The following FBXW7 variants were observed in gnomAD, a reference collection of about 807,000 sequenced individuals.
FBXW7 encodes F-box/WD repeat-containing protein 7.
Under a neutral mutation model 86.3 loss-of-function variants are expected in FBXW7, and 11 were observed. The observed-to-expected ratio is 0.13, with a 90% CI of 0.08 to 0.21. FBXW7 has a LOEUF of 0.21. Ranked by LOEUF, FBXW7 falls within the 10% of genes least tolerant of loss-of-function variation. FBXW7 has a pLI of 1.00. For synonymous variants in FBXW7, 313 were observed against 297.9 expected (o/e 1.05, Z -0.52); for missense variants, 488 against 847.4 (o/e 0.58, Z 5.27).
chr4:152,391,697 C>T (rs1160027038), intron 4 of FBXW7, among the ~76,000 whole-genome samples: 1 of 152,070 alleles, frequency 6.6e-6, no homozygotes, highest in Admixed American at 6.6e-5. Flanking sequence ...TTAATCACCA[C>T]GCCGAAACCC....
rs1310559830 is a variant in FBXW7 at position 152,346,339 on chromosome 4, A to G, written c.726+591T>C. ...ATTACTCTTAAATGCCTAACTTACA[A>G]GCAATGCAGTTTAGAAAACTAGACA... On this transcript the variant is annotated intron_variant, in intron 6 of 13. Transcript: ENST00000281708. 2.0e-5 allele frequency among the ~76,000 whole-genome samples: 3 copies of G among 152,220 alleles called. No homozygotes were observed. The East Asian group carries it at 5.8e-4, about 29-fold the overall frequency.
chr4:152,350,183 A>C, intron 4 of FBXW7, 59 bp from the exon 5 acceptor site: 1 of 937,796 alleles, frequency 1.1e-6, no homozygotes, highest in Non-Finnish European at 1.6e-6. Context: ...TCAAATCTTG[A>C]GTCAGCATGG....
chr4:152,437,201 GGAA>G (rs1244003457), intron 2 of FBXW7, among the ~76,000 whole-genome samples: 1 of 152,156 alleles, frequency 6.6e-6, no homozygotes, highest in Non-Finnish European at 1.5e-5. Flanking sequence ...ACAGGAGTTT[GGAA>G]GAAGTTGATT....
intron 2 of FBXW7, chr4:152,530,131 A>G (rs1335709172): frequency 1.3e-5 from 2 of 151,556 alleles, no homozygotes; most frequent in African/African-American, 2.4e-5. Context: ...ACATATATAT[A>G]TATACGTATA....
intron 2 of FBXW7, among the ~76,000 whole-genome samples, chr4:152,422,202 G>GA (rs1429701988): frequency 6.6e-6 from 1 of 152,102 alleles, no homozygotes; most frequent in Non-Finnish European, 1.5e-5. Context: ...AAGAAATTCA[G>GA]AAAAACTCAG....
At chr4:152,501,730 T>A (rs999506545) in intron 2 of FBXW7, among the ~76,000 whole-genome samples, 2 of 152,124 alleles carry the variant, frequency 1.3e-5, no homozygotes, top group Non-Finnish European at 2.9e-5. Flanking sequence ...TGAACATTCT[T>A]TTTTTTATTT....
intron 2 of FBXW7, among the ~76,000 whole-genome samples, chr4:152,523,623 T>TA (rs1398604519): frequency 2.6e-5 from 4 of 152,244 alleles, no homozygotes; most frequent in Middle Eastern, 3.4e-3. Flanking sequence ...GCCTTAAAAT[T>TA]AGGATCAAGC....
At position 152,326,018 on chromosome 4, in the gene FBXW7, G is replaced by A; in HGVS notation, c.1632C>T (p.Val544=). The part of the protein sequence containing the change: ...LHTLQGHTNR[V]YSLQFDGIHV... ...TAAGAGATCTTACCTGTAATGAATA[G>A]ACTCTATTAGTATGCCCCTGCAACG... Residue 544 remains valine, a synonymous_variant, in exon 12 of 14, where the codon GTC becomes GTT. Transcript: ENST00000281708. 1 of 1,612,486 alleles carries A rather than the reference G, an allele frequency of 6.2e-7. No individual in the cohort carries two copies. Among genetic ancestry groups the A allele is most frequent in the Non-Finnish European group, 8.5e-7 (1 of 1,178,850 alleles).
Position 152,322,812 on chromosome 4 carries a change from T to A in FBXW7, c.*69A>T, listed in dbSNP as rs1728661010. ...TTTTTTTCTTTTTCTTTTCTTTTTT[T>A]CTTTTTGCAGGGGGAAGGGCAGGGA... is the stretch of plus-strand genomic sequence containing the variant. On this transcript the variant is annotated 3_prime_UTR_variant, in exon 14 of 14. Transcript: ENST00000281708. 3.8e-6 allele frequency: 6 copies of A among 1,567,112 alleles called. No homozygotes were observed. Among genetic ancestry groups the A allele is most frequent in the Non-Finnish European group, 5.2e-6 (6 of 1,160,720 alleles).
At chr4:152,465,642 G>A (rs1743340484) in intron 2 of FBXW7, among the ~76,000 whole-genome samples, 1 of 152,024 alleles carries the variant, frequency 6.6e-6, no homozygotes, top group African/African-American at 2.4e-5. Context: ...TCAGGAGTTA[G>A]AGACCAGCCT....
chr4:152,363,191 C>T (rs1205240450), intron 4 of FBXW7, among the ~76,000 whole-genome samples: 1 of 152,082 alleles, frequency 6.6e-6, no homozygotes, highest in African/African-American at 2.4e-5. Flanking sequence ...CAAATGAATC[C>T]TGAGTCATAT....
intron 2 of FBXW7, among the ~76,000 whole-genome samples, chr4:152,419,219 G>A (rs1311281706): frequency 6.6e-6 from 1 of 152,000 alleles, no homozygotes; most frequent in Non-Finnish European, 1.5e-5. Context: ...AATTAAATCT[G>A]CTGAGCCTAA....
intron 2 of FBXW7, among the ~76,000 whole-genome samples, chr4:152,431,259 T>C (rs1320776519): frequency 6.6e-6 from 1 of 152,162 alleles, no homozygotes; most frequent in Non-Finnish European, 1.5e-5. Flanking sequence ...TAGTTACAGA[T>C]CTAACTGGCA....
intron 2 of FBXW7, among the ~76,000 whole-genome samples, chr4:152,456,360 TAAAAAAAAAA>T (rs58250889): frequency 2.5e-3 from 177 of 72,152 alleles, no homozygotes; most frequent in African/African-American, 7.6e-3. Context: ...AAAAAATCCT[TAAAAAAAAAA>T]AAAAAAAAAA....
intron 2 of FBXW7, among the ~76,000 whole-genome samples, chr4:152,517,597 T>C (rs1224561912): frequency 6.6e-6 from 1 of 152,190 alleles, no homozygotes; most frequent in Non-Finnish European, 1.5e-5. Flanking sequence ...TAACTAAAGG[T>C]GGGACCTTGA....
intron 4 of FBXW7, among the ~76,000 whole-genome samples, chr4:152,384,714 T>A (rs1204160714): frequency 9.2e-5 from 14 of 152,012 alleles, no homozygotes; most frequent in African/African-American, 3.4e-4. Flanking sequence ...TTTAAATGTT[T>A]TTAAACAAAA....
chr4:152,410,128 G>A (rs2126871715), intron 4 of FBXW7, among the ~76,000 whole-genome samples: 1 of 152,232 alleles, frequency 6.6e-6, no homozygotes, highest in Admixed American at 6.5e-5. Context: ...ACTCTGCATT[G>A]TTCCGCAAGG....
intron 4 of FBXW7, among the ~76,000 whole-genome samples, chr4:152,395,498 A>G (rs1409932192): frequency 1.3e-5 from 2 of 152,204 alleles, no homozygotes; most frequent in Non-Finnish European, 1.5e-5. Context: ...TCCTACATAT[A>G]GACCACTTCA....
intron 2 of FBXW7, among the ~76,000 whole-genome samples, chr4:152,435,710 C>A (rs912404681): frequency 9.9e-5 from 15 of 152,164 alleles, no homozygotes; most frequent in African/African-American, 3.4e-4. Context: ...TACTGGACTG[C>A]AGTTTACTGC....
Sources: allele counts gnomAD v4.1 joint callset (sites outside exome capture counted in the v4.1 genomes callset), GRCh38; gene constraint gnomAD v4.1.1; transcripts MANE v1.5; gene names NCBI Gene and HGNC (gene_info 2026-07-23, HGNC 2026-07-21).